CWC27: variants seen among roughly 807,000 people sequenced by gnomAD.
The protein encoded by CWC27 is spliceosome-associated protein CWC27 homolog.
A neutral mutation model predicts 63.6 loss-of-function variants in CWC27; 47 were observed. The ratio of observed to expected loss-of-function variants is 0.74; its 90% CI spans 0.58 to 0.94. The LOEUF (loss-of-function observed/expected upper bound fraction) is 0.94. Among genes scored for constraint, CWC27 ranks in the 40% least tolerant of loss-of-function variants. The pLI, the probability that CWC27 is intolerant of heterozygous loss-of-function variation, is 0.00. For synonymous variants in CWC27, 175 were observed against 179.8 expected, an observed-to-expected ratio of 0.97 and a Z score of 0.22; for missense variants, 495 against 554.3, an observed-to-expected ratio of 0.89 and a Z score of 1.07.
intron 10 of CWC27, among the ~76,000 whole-genome samples, chr5:64,870,388 C>G (rs957305411): frequency 6.6e-6 from 1 of 150,916 alleles, no homozygotes; most frequent in Non-Finnish European, 1.5e-5. Flanking sequence ...ACTTTTTGTT[C>G]TTAACGTAAT....
chr5:64,967,909 T>C (rs1703038750), intron 11 of CWC27, among the ~76,000 whole-genome samples: 1 of 152,010 alleles, frequency 6.6e-6, no homozygotes, highest in Non-Finnish European at 1.5e-5. Flanking sequence ...ATTTAAATAT[T>C]GATAAAATGC....
At chr5:64,795,398 A>G (rs1284432317) in intron 7 of CWC27, among the ~76,000 whole-genome samples, 1 of 152,204 alleles carries the variant, frequency 6.6e-6, no homozygotes, top group Non-Finnish European at 1.5e-5. Context: ...GCATTAAGCC[A>G]CTTTAAGCAA....
chr5:64,985,466 TGTTA>T (rs1192899001), intron 13 of CWC27, among the ~76,000 whole-genome samples: 1 of 152,258 alleles, frequency 6.6e-6, no homozygotes, highest in Non-Finnish European at 1.5e-5. Context: ...ATTTTATAGT[TGTTA>T]GCAGTACCCT....
At chr5:64,972,587 G>T in intron 12 of CWC27, 2 of 403,280 alleles carry the variant, frequency 5.0e-6, no homozygotes, top group South Asian at 3.7e-5. Context: ...TAAATAAAAC[G>T]GGCAAAGTAA....
intron 10 of CWC27, among the ~76,000 whole-genome samples, chr5:64,867,644 A>G (rs1746561560): frequency 6.6e-6 from 1 of 152,096 alleles, no homozygotes; most frequent in Non-Finnish European, 1.5e-5. Flanking sequence ...ATTGCCTTGC[A>G]AATTGATGGA....
chr5:64,919,821 T>C (rs1238161398), intron 11 of CWC27, among the ~76,000 whole-genome samples: 1 of 152,234 alleles, frequency 6.6e-6, no homozygotes, highest in Non-Finnish European at 1.5e-5. Flanking sequence ...GCTTGGTTGT[T>C]ATCAATGTAT....
chr5:64,990,240 G>GTTTTTTTTTTGTTTTTTTTTTTTTTT (rs1749508731), intron 13 of CWC27, among the ~76,000 whole-genome samples: 1 of 77,570 alleles, frequency 1.3e-5, no homozygotes. Context: ...GTTTTTATTT[G>GTTTTTTTTTTGTTTTTTTTTTTTTTT]TTTTTTTTTT....
At chr5:64,978,606 T>G (rs1222029532) in intron 13 of CWC27, among the ~76,000 whole-genome samples, 1 of 4,498 alleles carries the variant, frequency 2.2e-4, no homozygotes, top group Non-Finnish European at 3.8e-4. Flanking sequence ...GGTTTTTGGG[T>G]TTTTTTTTTT....
At chr5:64,959,535 C>T (rs1748863854) in intron 11 of CWC27, among the ~76,000 whole-genome samples, 1 of 152,150 alleles carries the variant, frequency 6.6e-6, no homozygotes, top group South Asian at 2.1e-4. Flanking sequence ...GCAACTCTTA[C>T]CCAGAAAGCT....
chr5:64,793,709 T>G (rs1370415721), intron 7 of CWC27, among the ~76,000 whole-genome samples: 1 of 152,194 alleles, frequency 6.6e-6, no homozygotes, highest in Admixed American at 6.6e-5. Flanking sequence ...TGCATGAAAT[T>G]AAATATTTCT....
chr5:64,858,951 A>C (rs1011159214), intron 10 of CWC27, among the ~76,000 whole-genome samples: 3 of 152,258 alleles, frequency 2.0e-5, no homozygotes, highest in African/African-American at 7.2e-5. Context: ...GCACATGTGC[A>C]TCATAGCAGT....
At chr5:64,839,269 C>T (rs529772642) in intron 10 of CWC27, among the ~76,000 whole-genome samples, 1 of 152,274 alleles carries the variant, frequency 6.6e-6, no homozygotes, top group African/African-American at 2.4e-5. Context: ...CAGTATTCAT[C>T]TACTGGATTT....
At chr5:64,935,883 T>G (rs926193649) in intron 11 of CWC27, among the ~76,000 whole-genome samples, 1 of 152,224 alleles carries the variant, frequency 6.6e-6, no homozygotes, top group Non-Finnish European at 1.5e-5. Flanking sequence ...AGTTCACTCA[T>G]GATTTGGCTC....
chr5:64,770,438 A>G (rs1000121820), intron 1 of CWC27, among the ~76,000 whole-genome samples: 3 of 152,242 alleles, frequency 2.0e-5, no homozygotes, highest in Admixed American at 2.0e-4. Flanking sequence ...CCTGCCAGAC[A>G]GGGCCTTCAC....
In CWC27 at chr5:64,775,686, TA is replaced by T. The variant is rs1743416756; in HGVS notation, c.139+901del. Among the ~76,000 whole-genome samples, 2 of 152,158 alleles carry T rather than the reference TA, an allele frequency of 1.3e-5. 1 individual carries two copies. The highest frequency in any genetic ancestry group is 4.1e-4 in the South Asian group (2 of 4,826). ...GTTTTTTTAGATTTGAGTCATAAAG[TA>T]ACTATTTTTCTTTTTTTAAAATGCT... On this transcript the variant is annotated intron_variant, in intron 2 of 13. Coordinates refer to ENST00000381070, the MANE Select transcript of CWC27 (RefSeq NM_005869.4).
chr5:64,943,600 AC>A (rs1428531712), intron 11 of CWC27, among the ~76,000 whole-genome samples: 1 of 152,186 alleles, frequency 6.6e-6, no homozygotes, highest in Non-Finnish European at 1.5e-5. Context: ...TGTGCCAGGC[AC>A]ACTTTTGGAC....
intron 11 of CWC27, among the ~76,000 whole-genome samples, 192 bp downstream of exon 11, chr5:64,885,738 T>TGTGTG (rs60595588): frequency 2.8e-5 from 4 of 141,390 alleles, no homozygotes; most frequent in Non-Finnish European, 4.5e-5. Flanking sequence ...TGTGTGTGTG[T>TGTGTG]TTTTAATACT....
At chr5:64,929,427 C>T (rs1424303569) in intron 11 of CWC27, among the ~76,000 whole-genome samples, 1 of 152,102 alleles carries the variant, frequency 6.6e-6, no homozygotes, top group Admixed American at 6.5e-5. Flanking sequence ...TCAAGACAAC[C>T]TAGAAGCCAT....
Position 64,858,215 on chromosome 5 carries a change from T to G in CWC27, c.939-27228T>G, listed in dbSNP as rs1746307050. 2.7e-5 allele frequency among the ~76,000 whole-genome samples: 4 copies of G among 146,290 alleles called. No individual in the cohort carries two copies. The Admixed American group carries it at 2.8e-4, about 10-fold the overall frequency. On this transcript the variant is annotated intron_variant, in intron 10 of 13. Coordinates refer to ENST00000381070, the MANE Select transcript of CWC27 (RefSeq NM_005869.4). ...TGGCTCATGCCTGTAATCCCAGCAC[T>G]TTGTGGGGCCGAGGCGGGCGGATCA...
Sources: gnomAD v4.1 joint callset for allele counts (sites outside exome capture counted in the v4.1 genomes callset) on GRCh38, gnomAD v4.1.1 for gene constraint, MANE v1.5 for transcripts, NCBI Gene and HGNC (gene_info 2026-07-23, HGNC 2026-07-21) for gene names.